Variants in ACOT12 observed in about 807,000 individuals in gnomAD.
ACOT12 encodes the protein acyl-CoA thioesterase 12, also known as acetyl-coenzyme A thioesterase.
ACOT12 carries 51 observed loss-of-function variants against 67.7 expected under a neutral mutation model. The observed-to-expected ratio is 0.75, with a 90% confidence interval of 0.60 to 0.95. The LOEUF is 0.95. Among genes scored for constraint, ACOT12 ranks in the 40% least tolerant of loss-of-function variants. The pLI is 0.00. For synonymous variants in ACOT12, 251 were observed against 244.6 expected (o/e 1.03, Z -0.24); for missense variants, 734 against 708.1 (o/e 1.04, Z -0.41).
In ACOT12 at chr5:81,347,844, T is replaced by C. The variant is rs1172882238; in HGVS notation, c.583A>G (p.Asn195Asp). The C allele has an allele frequency of 3.1e-6, 5 of 1,614,176 alleles. No individual in the cohort carries two copies. Among genetic ancestry groups the C allele is most frequent in the Non-Finnish European group, 3.4e-6 (4 of 1,180,022 alleles). ...SIELVLPPHA[N>D]HHGNTFGGQI... ...CCACCAAATGTATTTCCGTGATGGT[T>C]TGCATGGGGTGGGAGGACCAGTTCA... Residue 195 changes from asparagine (N) to aspartate (D), a missense_variant, in exon 6 of 15, where the codon AAC (asparagine) becomes GAC (aspartate). Transcript: ENST00000307624.
chr5:81,369,839 G>A (rs976093417), intron 3 of ACOT12, among the ~76,000 whole-genome samples: 2 of 152,212 alleles, frequency 1.3e-5, no homozygotes, highest in South Asian at 2.1e-4. Context: ...CAAGCCCAGA[G>A]GCTCCTGTGT....
intron 14 of ACOT12, 95 bp from the exon 15 acceptor site, chr5:81,330,638 G>C: frequency 6.7e-7 from 1 of 1,499,158 alleles, no homozygotes; most frequent in Non-Finnish European, 9.0e-7. Context: ...GGGAGGCTAA[G>C]ACCCTAATCT....
At chr5:81,332,637 A>G in intron 12 of ACOT12, 32 bp from the exon 13 acceptor site, 1 of 1,611,972 alleles carries the variant, frequency 6.2e-7, no homozygotes, top group Non-Finnish European at 8.5e-7. Flanking sequence ...AAGCAGGTAT[A>G]CTTTCTACCT....
rs1192366910 is a variant in ACOT12 at position 81,332,423 on chromosome 5, T to C, written c.1391+54A>G. On this transcript the variant is annotated intron_variant, in intron 13 of 14. Coordinates refer to ENST00000307624, the MANE Select transcript of ACOT12 (RefSeq NM_130767.3). ...TCATTATTTTCACATCAACTTTTAA[T>C]TTCTATCCTATACTATGAAATATTA... is the stretch of plus-strand genomic sequence containing the variant. 5.1e-6 allele frequency: 8 copies of C among 1,574,568 alleles called. No individual in the cohort carries two copies. In the East Asian group the frequency reaches 1.6e-4, roughly 31 times the overall value.
intron 5 of ACOT12, among the ~76,000 whole-genome samples, chr5:81,351,185 C>T (rs565999560): frequency 1.3e-5 from 2 of 152,336 alleles, no homozygotes; most frequent in African/African-American, 4.8e-5. Context: ...AATACACAAT[C>T]TTAATCCCTT....
rs1216312241 is a variant in ACOT12, at chr5:81,373,552, A to T, written c.198-1742T>A. ...TTCCCCTGGAAAGGGGGCTGAAGCC[A>T]GGGAGCCGAGTGGTCTGGCTTGGCG... On this transcript the variant is annotated intron_variant, in intron 2 of 14. Coordinates refer to ENST00000307624, the MANE Select transcript of ACOT12 (RefSeq NM_130767.3). Among the ~76,000 whole-genome samples the T allele has an allele frequency of 2.0e-5, 3 of 152,184 alleles. No homozygotes were observed. The East Asian group carries it at 5.8e-4, about 29-fold the overall frequency.
intron 13 of ACOT12, 128 bp from the exon 14 acceptor site, chr5:81,331,068 A>G: frequency 1.8e-6 from 2 of 1,116,958 alleles, no homozygotes; most frequent in Non-Finnish European, 2.4e-6. Context: ...ATCTTCTAGA[A>G]GAGTGGTCTC....
chr5:81,380,448 C>T (rs984046369), intron 2 of ACOT12, among the ~76,000 whole-genome samples: 1 of 151,520 alleles, frequency 6.6e-6, no homozygotes, highest in African/African-American at 2.4e-5. Flanking sequence ...CCTGTAATCT[C>T]AGCTACTCGG....
rs998162819 is a variant in ACOT12 at position 81,376,586 on chromosome 5, C to T, written c.198-4776G>A. Among the ~76,000 whole-genome samples, 100 of 151,716 alleles carry T rather than the reference C, an allele frequency of 6.6e-4. 1 individual carries two copies. Among genetic ancestry groups the T allele is most frequent in the African/African-American group, 2.3e-3 (96 of 41,352 alleles). ...TGAAAACGTCAGCAAATAGATAGACCCCTATCCGGACTAATAAAGAAGAAA... is the reference window on the plus strand; with the variant it reads ...TGAAAACGTCAGCAAATAGATAGACTCCTATCCGGACTAATAAAGAAGAAA... On this transcript the variant is annotated intron_variant, in intron 2 of 14. Transcript: ENST00000307624.
At position 81,386,840 on chromosome 5, in the gene ACOT12, C is replaced by G. The variant is rs183262048; in HGVS notation, c.128-1014G>C. 2.0e-5 allele frequency among the ~76,000 whole-genome samples: 3 copies of G among 152,144 alleles called. No homozygotes were observed. In the East Asian group the frequency reaches 5.8e-4, roughly 29 times the overall value. ...TATTTAACACATTCCTGTCTAGGAT[C>G]TAATTCTGCAGAAAATTGGACATTC... On this transcript the variant is annotated intron_variant, in intron 1 of 14. Coordinates refer to ENST00000307624, the MANE Select transcript of ACOT12 (RefSeq NM_130767.3).
At chr5:81,328,073 T>C (rs545116686), downstream of ACOT12, among the ~76,000 whole-genome samples, 5 of 152,280 alleles carry the variant, frequency 3.3e-5, no homozygotes, top group South Asian at 4.1e-4. Context: ...TTTGCTTTCC[T>C]AGAATGTGCC....
chr5:81,346,487 A>T (rs554823697), intron 6 of ACOT12, among the ~76,000 whole-genome samples: 27 of 152,374 alleles, frequency 1.8e-4, no homozygotes, highest in African/African-American at 6.0e-4. Flanking sequence ...CTGGATTGCT[A>T]CATAAAGCCT....
chr5:81,312,463 C>G, the ACOT12 span: 2 of 1,137,570 alleles, frequency 1.8e-6, no homozygotes, highest in Non-Finnish European at 2.6e-6. Context: ...AAATGAGTTC[C>G]TTTCCCAAAC....
At chr5:81,371,935 A>T (rs1760267392) in intron 2 of ACOT12, 125 bp from the exon 3 acceptor site, 1 of 805,146 alleles carries the variant, frequency 1.2e-6, no homozygotes, top group Admixed American at 2.5e-5. Context: ...ATTTTCATGC[A>T]TGCGAAATTC....
chr5:81,394,100 C>A lies in ACOT12; in HGVS notation c.15G>T (p.Ala5=), dbSNP rs772333730. The change falls in exon 1 of 15, where the codon GCG becomes GCT. Residue 5 remains alanine (A), a synonymous_variant. Transcript: ENST00000307624. MERP[A]PGEVVMSQAI... ...CTTGGCTCATGACCACCTCGCCGGG[C>A]GCCGGCCGCTCCATGGCCAGGGCGA... is the stretch of plus-strand genomic sequence containing the variant. 8 of 1,454,200 alleles carry A rather than the reference C, an allele frequency of 5.5e-6. No homozygotes were observed. In the South Asian group the frequency reaches 1.1e-4, roughly 19 times the overall value. The allele number at this position is 1,454,200 out of a possible 1,614,324, so 90.1% of individuals were successfully genotyped here.
chr5:81,377,574 T>C (rs1455801981), intron 2 of ACOT12, among the ~76,000 whole-genome samples: 2 of 152,204 alleles, frequency 1.3e-5, no homozygotes, highest in East Asian at 3.8e-4. Context: ...ATTACATGAT[T>C]GTATATTTAG....
chr5:81,351,192 C>G (rs1477252501), intron 5 of ACOT12, among the ~76,000 whole-genome samples: 2 of 152,092 alleles, frequency 1.3e-5, no homozygotes, highest in African/African-American at 4.8e-5. Flanking sequence ...AATCTTAATC[C>G]CTTTCAATTT....
chr5:81,322,235 T>C, the ACOT12 span, among the ~76,000 whole-genome samples: 1 of 152,116 alleles, frequency 6.6e-6, no homozygotes, highest in African/African-American at 2.4e-5. Context: ...TTATAGTGTA[T>C]TGCAGAACCA....
At chr5:81,381,050 A>C (rs1760568176) in intron 2 of ACOT12, among the ~76,000 whole-genome samples, 1 of 152,098 alleles carries the variant, frequency 6.6e-6, no homozygotes, top group Non-Finnish European at 1.5e-5. Context: ...AGATGCAGTA[A>C]AAATGCAGTA....
Sources: allele counts gnomAD v4.1 joint callset (sites outside exome capture counted in the v4.1 genomes callset), GRCh38; gene constraint gnomAD v4.1.1; transcripts MANE v1.5; gene names NCBI Gene and HGNC (gene_info 2026-07-23, HGNC 2026-07-21).